The following TBC1D5 variants were observed in gnomAD, a reference collection of about 807,000 sequenced individuals.
TBC1D5 encodes the protein TBC1 domain family, member 5.
A neutral mutation model predicts 100.3 loss-of-function variants in TBC1D5; 75 were observed. That is an observed-to-expected ratio of 0.75 (90% CI 0.62 to 0.91). The LOEUF (loss-of-function observed/expected upper bound fraction) is 0.91. Among genes scored for constraint, TBC1D5 ranks in the 40% least tolerant of loss-of-function variants. The pLI is 0.00. For synonymous variants in TBC1D5, 323 were observed against 325.6 expected, an observed-to-expected ratio of 0.99 and a Z score of 0.09; for missense variants, 910 against 942.4, an observed-to-expected ratio of 0.97 and a Z score of 0.45.
chr3:17,248,552 A>C lies in TBC1D5; in HGVS notation c.1331+9954T>G, dbSNP rs1269514514. ...TAAATAATAAGGCCTGTGAGTCAAA[A>C]TTCCTTCTTGACCTATGAGCTGCAG... On this transcript the variant is annotated intron_variant, in intron 16 of 21. Coordinates refer to ENST00000253692, the Ensembl canonical transcript of TBC1D5. 3.3e-5 allele frequency among the ~76,000 whole-genome samples: 5 copies of C among 152,202 alleles called. No individual in the cohort carries two copies. In the East Asian group the frequency reaches 9.6e-4, roughly 29 times the overall value.
At chr3:17,620,750 A>G (rs555899451) in intron 2 of TBC1D5, among the ~76,000 whole-genome samples, 93 of 152,292 alleles carry the variant, frequency 6.1e-4, no homozygotes, top group African/African-American at 2.1e-3. Context: ...GGAAAAGTAA[A>G]TAATTTCCTA....
At chr3:17,159,811 T>A (rs964720543) in exon 22 of TBC1D5, 2 of 152,230 alleles carry the variant, frequency 1.3e-5, no homozygotes, top group East Asian at 3.8e-4. Context: ...TACACTTGAC[T>A]TCCAAGAAGG....
At chr3:17,521,244 T>C (rs1221532117) in intron 2 of TBC1D5, among the ~76,000 whole-genome samples, 1 of 152,100 alleles carries the variant, frequency 6.6e-6, no homozygotes, top group Admixed American at 6.6e-5. Flanking sequence ...ACTGCACCGG[T>C]CCATGTGGAT....
At chr3:17,209,988 C>T (rs1453549651) in intron 18 of TBC1D5, among the ~76,000 whole-genome samples, 1 of 152,046 alleles carries the variant, frequency 6.6e-6, no homozygotes, top group Non-Finnish European at 1.5e-5. Flanking sequence ...GCTTTGGATC[C>T]TCTATTTTCT....
chr3:17,565,709 C>T (rs962604328), intron 2 of TBC1D5, among the ~76,000 whole-genome samples: 5 of 151,968 alleles, frequency 3.3e-5, no homozygotes, highest in African/African-American at 9.7e-5. Flanking sequence ...GATAACTTTT[C>T]GAATTAGAGT....
At chr3:17,401,226 T>TAC (rs200880130) in intron 8 of TBC1D5, among the ~76,000 whole-genome samples, 2,130 of 148,708 alleles carry the variant, frequency 0.014, 35 homozygotes, top group Non-Finnish European at 0.022. Context: ...TGTGTGTACA[T>TAC]ACACACACAC....
At chr3:17,736,610 A>G (rs918689952) in intron 1 of TBC1D5, among the ~76,000 whole-genome samples, 1 of 152,118 alleles carries the variant, frequency 6.6e-6, no homozygotes, top group African/African-American at 2.4e-5. Context: ...AAGGCAATCA[A>G]TCCACTATCC....
At position 17,591,264 on chromosome 3, in the gene TBC1D5, AAAC is replaced by A. The variant is rs1560228233; in HGVS notation, c.-36+32582_-36+32584del. On this transcript the variant is annotated intron_variant, in intron 2 of 21. Transcript: ENST00000253692. ...AAAAAAAAAAAAAAAAAAAAAAAAAAAACAAAAACCCCAGAGAATCATGGCCCC... is the reference window on the plus strand; with the variant it reads ...AAAAAAAAAAAAAAAAAAAAAAAAAAAAAAACCCCAGAGAATCATGGCCCC... Among the ~76,000 whole-genome samples the A allele has an allele frequency of 2.6e-3, 286 of 110,658 alleles. 28 individuals are homozygous for A. The highest frequency in any genetic ancestry group is 5.3e-3 in the African/African-American group (131 of 24,562). 72.6% of individuals were successfully genotyped at this position (110,658 alleles called of 152,430 possible). A position where few individuals can be genotyped will look rare whatever the true frequency, so the allele number is the denominator to read the frequency against.
At chr3:17,299,376 T>C (rs1217445235) in intron 14 of TBC1D5, among the ~76,000 whole-genome samples, 1 of 152,132 alleles carries the variant, frequency 6.6e-6, no homozygotes, top group African/African-American at 2.4e-5. Flanking sequence ...TGAATCTTGG[T>C]TGGTATCAGA....
At chr3:17,563,027 G>C (rs1432919888) in intron 2 of TBC1D5, among the ~76,000 whole-genome samples, 1 of 152,192 alleles carries the variant, frequency 6.6e-6, no homozygotes, top group Non-Finnish European at 1.5e-5. Context: ...TTAAAACTAA[G>C]TCCTAAACAA....
At chr3:17,161,101 G>A (rs2065984196) in exon 22 of TBC1D5, 1 of 1,614,204 alleles carries the variant, frequency 6.2e-7, no homozygotes, top group Non-Finnish European at 8.5e-7. Context: ...AGCAGACTGG[G>A]GCCTGGCTTT....
At chr3:17,661,760 AG>A (rs2066677168) in intron 1 of TBC1D5, among the ~76,000 whole-genome samples, 2 of 151,982 alleles carry the variant, frequency 1.3e-5, no homozygotes, top group African/African-American at 4.8e-5. Flanking sequence ...AGCCTCCCAA[AG>A]TGCCGGGATC....
intron 1 of TBC1D5, among the ~76,000 whole-genome samples, chr3:17,644,369 G>A (rs1403098307): frequency 2.6e-5 from 4 of 151,962 alleles, no homozygotes; most frequent in East Asian, 3.9e-4. Context: ...CAGAATACAC[G>A]GAATTATTTT....
chr3:17,271,669 C>A (rs545879361), intron 15 of TBC1D5, among the ~76,000 whole-genome samples: 9 of 152,224 alleles, frequency 5.9e-5, no homozygotes, highest in South Asian at 2.1e-4. Flanking sequence ...GAGTGGGCAA[C>A]CTTATCTTCT....
intron 4 of TBC1D5, among the ~76,000 whole-genome samples, chr3:17,425,114 AGTGATGATGACAATG>A (rs537950682): frequency 2.3e-4 from 35 of 152,336 alleles, no homozygotes; most frequent in African/African-American, 6.5e-4. Flanking sequence ...CCAAAAGGTT[AGTGATGATGACAATG>A]ATGATGATGA....
intron 2 of TBC1D5, among the ~76,000 whole-genome samples, chr3:17,526,469 C>T (rs997442571): frequency 6.6e-6 from 1 of 152,180 alleles, no homozygotes; most frequent in African/African-American, 2.4e-5. Flanking sequence ...ATCCTCCCAA[C>T]ATGAGCCACA....
At chr3:17,368,710 T>C (rs2092309167) in intron 13 of TBC1D5, among the ~76,000 whole-genome samples, 1 of 151,864 alleles carries the variant, frequency 6.6e-6, no homozygotes, top group Non-Finnish European at 1.5e-5. Context: ...TTTTCATTTT[T>C]ACTATAATTT....
chr3:17,484,489 T>TGTGTGTGTGTGTG (rs2095536751), intron 3 of TBC1D5, among the ~76,000 whole-genome samples: 8 of 133,290 alleles, frequency 6.0e-5, no homozygotes, highest in African/African-American at 2.3e-4. Flanking sequence ...TGTGTGTGTG[T>TGTGTGTGTGTGTG]TTGGGTAACA....
At chr3:17,543,287 G>A (rs2096377431) in intron 2 of TBC1D5, among the ~76,000 whole-genome samples, 1 of 152,182 alleles carries the variant, frequency 6.6e-6, no homozygotes, top group African/African-American at 2.4e-5. Context: ...ATAATTTGGG[G>A]TGGCGTTCCT....
Sources: gnomAD v4.1 joint callset for allele counts (sites outside exome capture counted in the v4.1 genomes callset) on GRCh38, gnomAD v4.1.1 for gene constraint, MANE v1.5 for transcripts, NCBI Gene and HGNC (gene_info 2026-07-23, HGNC 2026-07-21) for gene names.